The following HYKK variants were observed in gnomAD, a reference collection of about 807,000 sequenced individuals.
The protein encoded by HYKK is 5-hydroxy-L-lysine kinase.
A neutral mutation model predicts 29.7 loss-of-function variants in HYKK; 19 were observed. The ratio of observed to expected loss-of-function variants is 0.64; its 90% confidence interval spans 0.45 to 0.94. The LOEUF (loss-of-function observed/expected upper bound fraction) is 0.94, where lower values mean the gene tolerates loss of function less well. Among genes scored for constraint, HYKK ranks in the 40% least tolerant of loss-of-function variants. The probability of loss-of-function intolerance (pLI) is 0.00; values close to 1 mark genes in which losing one functional copy is unlikely to be tolerated. For missense variants in HYKK, 390 were observed against 443.4 expected (o/e 0.88, Z 1.08); for synonymous variants, 152 against 158.1 (o/e 0.96, Z 0.29).
At chr15:78,510,621 G>T (rs1196760248) in intron 1 of HYKK, among the ~76,000 whole-genome samples, 2 of 152,134 alleles carry the variant, frequency 1.3e-5, no homozygotes, top group East Asian at 3.8e-4. Context: ...GGAGTTAGGT[G>T]GGTTTTTGCT....
chr15:78,537,325 G>A (rs1403848266), downstream of HYKK: 10 of 663,878 alleles, frequency 1.5e-5, no homozygotes, highest in Non-Finnish European at 2.8e-5. Context: ...CAGGCCCCTA[G>A]AAGACCCAGT....
chr15:78,522,199 A>C (rs2052203805), intron 3 of HYKK, among the ~76,000 whole-genome samples: 1 of 152,060 alleles, frequency 6.6e-6, no homozygotes, highest in Admixed American at 6.6e-5. Flanking sequence ...ATTTTTTCTC[A>C]CCACCATCAT....
chr15:78,517,109 CT>C (rs34680285), intron 3 of HYKK, among the ~76,000 whole-genome samples: 1,237 of 108,422 alleles, frequency 0.011, 16 homozygotes, highest in East Asian at 0.05. Context: ...TTCTTTCTTT[CT>C]TTTTTTTTTT....
rs1483279879 is a variant in HYKK at position 78,513,117 on chromosome 15, A to G, written c.29A>G (p.Glu10Gly). 1 of 1,613,106 alleles carries G rather than the reference A, an allele frequency of 6.2e-7. No homozygotes were observed. Among genetic ancestry groups the G allele is most frequent in the East Asian group, 2.2e-5 (1 of 44,880 alleles). The change falls in exon 2 of 5, where the codon GAG becomes GGG. Residue 10 changes from glutamate (E) to glycine (G), a missense_variant. By Grantham distance (98) the Glu-to-Gly change is moderately conservative (BLOSUM62 -2). Transcript: ENST00000388988. MSSGNYQQSEALSKPTFSEE... is the reference protein window; with the variant it reads MSSGNYQQSGALSKPTFSEE... ...TCAAGTGGAAACTATCAGCAGTCAG[A>G]GGCTCTTAGCAAACCCACTTTCAGT...
intron 3 of HYKK, among the ~76,000 whole-genome samples, chr15:78,522,681 A>ATG (rs2052210324): frequency 6.6e-6 from 1 of 152,082 alleles, no homozygotes; most frequent in Non-Finnish European, 1.5e-5. Flanking sequence ...GTTCCAGACC[A>ATG]GCCTGGCCAA....
At chr15:78,520,920 A>AC (rs1315706424) in intron 3 of HYKK, among the ~76,000 whole-genome samples, 130 of 129,508 alleles carry the variant, frequency 1.0e-3, no homozygotes, top group African/African-American at 3.4e-3. Context: ...TGGGGGGCTG[A>AC]CCCCCCCACC....
chr15:78,511,786 A>C (rs976086170), intron 1 of HYKK, among the ~76,000 whole-genome samples: 1 of 152,048 alleles, frequency 6.6e-6, no homozygotes, highest in African/African-American at 2.4e-5. Flanking sequence ...TAATCCCAGC[A>C]CTTTGGGAGG....
intron 3 of HYKK, among the ~76,000 whole-genome samples, chr15:78,517,109 C>CTTT (rs34680285): frequency 2.9e-4 from 31 of 108,456 alleles, no homozygotes; most frequent in Non-Finnish European, 3.9e-4. Flanking sequence ...TTCTTTCTTT[C>CTTT]TTTTTTTTTT....
At chr15:78,522,391 TA>T (rs1169068687) in intron 3 of HYKK, among the ~76,000 whole-genome samples, 5 of 151,428 alleles carry the variant, frequency 3.3e-5, no homozygotes, top group Admixed American at 2.6e-4. Context: ...CTGTCTCTAC[TA>T]AAAAAAAATT....
intron 3 of HYKK, among the ~76,000 whole-genome samples, chr15:78,524,823 A>AAAC (rs923227376): frequency 3.9e-5 from 6 of 151,956 alleles, no homozygotes; most frequent in Admixed American, 3.3e-4. Context: ...ACAAACAAAC[A>AAAC]AACAACAACA....
At chr15:78,531,812 G>C (rs1186708342) in intron 4 of HYKK, among the ~76,000 whole-genome samples, 1 of 152,152 alleles carries the variant, frequency 6.6e-6, no homozygotes, top group Non-Finnish European at 1.5e-5. Context: ...AGGGATTACA[G>C]GCATGAGCCA....
rs1201689050 is a variant in HYKK at position 78,536,266 on chromosome 15, T to C, written c.*2596T>C. On this transcript the variant is annotated 3_prime_UTR_variant, in exon 5 of 5. Transcript: ENST00000388988. The stretch of plus-strand genomic sequence containing the variant: ...CACTACCACAGAGTTCCATGCTACT[T>C]TCTCTCCCTCTCCCTCCTCTCCTGT... 1 of 150,750 alleles carries C rather than the reference T, an allele frequency of 6.6e-6. No homozygotes were observed. The highest frequency in any genetic ancestry group is 1.5e-5 in the Non-Finnish European group (1 of 67,894). 9.3% of individuals were successfully genotyped at this position (150,750 alleles called of 1,614,324 possible).
chr15:78,514,902 CTCTCTCTATA>C (rs1341139671), intron 2 of HYKK, 56 bp from the exon 3 acceptor site: 2 of 486,012 alleles, frequency 4.1e-6, no homozygotes, highest in Non-Finnish European at 6.0e-6. Context: ...CTCTCTCTCT[CTCTCTCTATA>C]TATATATATA....
chr15:78,525,549 G>A (rs1455772237), intron 3 of HYKK, among the ~76,000 whole-genome samples: 1 of 151,622 alleles, frequency 6.6e-6, no homozygotes, highest in Non-Finnish European at 1.5e-5. Context: ...CCAGGCTGAA[G>A]TGCAGTGGCG....
intron 4 of HYKK, among the ~76,000 whole-genome samples, chr15:78,532,091 CTT>C (rs963207259): frequency 2.6e-5 from 4 of 152,158 alleles, no homozygotes; most frequent in Non-Finnish European, 5.9e-5. Flanking sequence ...TCTTACTAAT[CTT>C]TAGTTGGTGG....
At position 78,527,505 on chromosome 15, in the gene HYKK, G is replaced by A. The variant is rs981617299; in HGVS notation, c.603G>A (p.Glu201=). ...AGAATCGAAACCGAGAGATTGTTGA[G>A]CATGTCATTCATCTGTTCAAGGAGG... ...LGQNRNREIV[E]HVIHLFKEEV... The change falls in exon 4 of 5, where the codon GAG becomes GAA. Residue 201 remains glutamate (E), a synonymous_variant. Coordinates refer to ENST00000388988, the MANE Select transcript of HYKK (RefSeq NM_001013619.4). 1.9e-6 allele frequency: 3 copies of A among 1,614,000 alleles called. No homozygotes were observed. The African/African-American group carries it at 4.0e-5, about 22-fold the overall frequency.
At chr15:78,527,802 T>C in intron 4 of HYKK, 2 of 1,115,892 alleles carry the variant, frequency 1.8e-6, no homozygotes, top group East Asian at 8.9e-5. Context: ...ACATTACATA[T>C]GTATGATTTA....
At position 78,534,728 on chromosome 15, in the gene HYKK, G is replaced by A. The variant is rs941975106; in HGVS notation, c.*1058G>A. On this transcript the variant is annotated 3_prime_UTR_variant, in exon 5 of 5. Transcript: ENST00000388988. Reference sequence around the variant, plus strand: ...AAAAAATTTTAACTTGTCTGAGAGGGTGGTTGAAACTGGAACTCCAGAGAT... The same window carrying A: ...AAAAAATTTTAACTTGTCTGAGAGGATGGTTGAAACTGGAACTCCAGAGAT... The A allele has an allele frequency of 6.6e-6, 1 of 152,176 alleles. No individual in the cohort carries two copies. The highest frequency in any genetic ancestry group is 1.5e-5 in the Non-Finnish European group (1 of 68,044). The allele number at this position is 152,176 out of a possible 1,614,324, so 9.4% of individuals were successfully genotyped here.
chr15:78,533,847 T>C lies in HYKK; in HGVS notation c.*177T>C, dbSNP rs2052336619. 3.4e-6 allele frequency: 2 copies of C among 587,200 alleles called. No homozygotes were observed. Among genetic ancestry groups the C allele is most frequent in the Non-Finnish European group, 6.0e-6 (2 of 334,938 alleles). The allele number at this position is 587,200 out of a possible 1,614,324, so 36.4% of individuals were successfully genotyped here. A position where few individuals can be genotyped will look rare whatever the true frequency, so the allele number is the denominator to read the frequency against. ...GTCTTCAAGCAATCTCGTGACAATTTTTTAAAATTCACAAAAGTACCACAA... is the reference window on the plus strand; with the variant it reads ...GTCTTCAAGCAATCTCGTGACAATTCTTTAAAATTCACAAAAGTACCACAA... On this transcript the variant is annotated 3_prime_UTR_variant, in exon 5 of 5. Coordinates refer to ENST00000388988, the MANE Select transcript of HYKK (RefSeq NM_001013619.4).
Sources: gnomAD v4.1 joint callset for allele counts (sites outside exome capture counted in the v4.1 genomes callset) on GRCh38, gnomAD v4.1.1 for gene constraint, MANE v1.5 for transcripts, NCBI Gene and HGNC (gene_info 2026-07-23, HGNC 2026-07-21) for gene names.